The following ADARB2 variants were observed in gnomAD, a reference collection of about 807,000 sequenced individuals.
ADARB2 encodes the protein adenosine deaminase RNA specific B2 (inactive).
In ADARB2, 25 loss-of-function variants were observed where a neutral mutation model predicts 62.2. The ratio of observed to expected loss-of-function variants is 0.40; its 90% confidence interval spans 0.29 to 0.56. The LOEUF (loss-of-function observed/expected upper bound fraction) is 0.56, where lower values mean the gene tolerates loss of function less well. Ranked by LOEUF, ADARB2 falls within the 20% of genes least tolerant of loss-of-function variation. The pLI, the probability that ADARB2 is intolerant of heterozygous loss-of-function variation, is 0.43. For missense variants in ADARB2, 1,071 were observed against 1,077.4 expected (o/e 0.99, Z 0.08); for synonymous variants, 572 against 500.8 (o/e 1.14, Z -1.90).
At chr10:1,736,815 C>T (rs1835308042) in intron 1 of ADARB2, among the ~76,000 whole-genome samples, 1 of 152,202 alleles carries the variant, frequency 6.6e-6, no homozygotes, top group Non-Finnish European at 1.5e-5. Flanking sequence ...CCCACTTCGT[C>T]CGGGTCCCTC....
At chr10:1,698,664 T>C (rs1177088928) in intron 1 of ADARB2, among the ~76,000 whole-genome samples, 1 of 152,054 alleles carries the variant, frequency 6.6e-6, no homozygotes, top group Non-Finnish European at 1.5e-5. Flanking sequence ...TGTAAAAGGG[T>C]AGTTAAAGGT....
intron 1 of ADARB2, among the ~76,000 whole-genome samples, chr10:1,732,290 G>A (rs1464100675): frequency 6.9e-6 from 1 of 145,058 alleles, no homozygotes; most frequent in Non-Finnish European, 1.5e-5. Context: ...ATGCTTTTAG[G>A]GCATAAGTTA....
intron 1 of ADARB2, among the ~76,000 whole-genome samples, chr10:1,461,557 T>C (rs1015808001): frequency 2.6e-5 from 4 of 152,166 alleles, no homozygotes; most frequent in African/African-American, 9.7e-5. Flanking sequence ...AAAAAGCACA[T>C]TTTCCAGAGG....
chr10:1,544,371 G>C (rs372637613), intron 1 of ADARB2, among the ~76,000 whole-genome samples: 1 of 152,172 alleles, frequency 6.6e-6, no homozygotes, highest in African/African-American at 2.4e-5. Context: ...CACCTTCGGG[G>C]GCTCTGATGA....
chr10:1,501,152 C>T (rs910452158), intron 1 of ADARB2, among the ~76,000 whole-genome samples: 6 of 152,168 alleles, frequency 3.9e-5, no homozygotes, highest in African/African-American at 1.4e-4. Context: ...GGATTATAGG[C>T]GTGAGTCACC....
chr10:1,405,036 G>A lies in ADARB2; in HGVS notation c.101-25876C>T, dbSNP rs1044581242. ...CGGCGCCTGCGTGGAGGATCGTTGC[G>A]TCTTCAGAAACTGCTCCCAGCTCCG... is the stretch of plus-strand genomic sequence containing the variant. On this transcript the variant is annotated intron_variant, in intron 1 of 9. Coordinates refer to ENST00000381312, the MANE Select transcript of ADARB2 (RefSeq NM_018702.4). Among the ~76,000 whole-genome samples, 5 of 152,174 alleles carry A rather than the reference G, an allele frequency of 3.3e-5. No homozygotes were observed. In the East Asian group the frequency reaches 9.6e-4, roughly 29 times the overall value.
chr10:1,449,703 G>A (rs1831014365), intron 1 of ADARB2, among the ~76,000 whole-genome samples: 1 of 152,222 alleles, frequency 6.6e-6, no homozygotes, highest in South Asian at 2.1e-4. Context: ...CGGGGACACA[G>A]TGAGGCTCAT....
intron 1 of ADARB2, among the ~76,000 whole-genome samples, chr10:1,423,471 T>C (rs1201657556): frequency 6.6e-6 from 1 of 152,002 alleles, no homozygotes; most frequent in Non-Finnish European, 1.5e-5. Flanking sequence ...TGCGTGTTCA[T>C]GGTGCTAGGG....
At chr10:1,608,415 C>T (rs1833521112) in intron 1 of ADARB2, among the ~76,000 whole-genome samples, 1 of 151,470 alleles carries the variant, frequency 6.6e-6, no homozygotes, top group African/African-American at 2.4e-5. Context: ...AACTCTACCA[C>T]TCTATCTTCG....
At position 1,648,294 on chromosome 10, in the gene ADARB2, C is replaced by A. The variant is rs576298885; in HGVS notation, c.100+88757G>T. On this transcript the variant is annotated intron_variant, in intron 1 of 9. Transcript: ENST00000381312. ...CTTCAAAGCAGGATTTATCTCGAAC[C>A]CTTTCACACACAACCAGGCACAAAG... is the stretch of plus-strand genomic sequence containing the variant. 9.3e-4 allele frequency among the ~76,000 whole-genome samples: 142 copies of A among 152,180 alleles called. 1 individual carries two copies. The highest frequency in any genetic ancestry group is 2.0e-3 in the Non-Finnish European group (134 of 68,016).
intron 5 of ADARB2, chr10:1,240,255 C>T (rs1221019880): frequency 7.4e-4 from 67 of 90,602 alleles, no homozygotes; most frequent in South Asian, 1.3e-3. Flanking sequence ...CTCCCCTCTG[C>T]CTCCCGGTGT....
intron 4 of ADARB2, among the ~76,000 whole-genome samples, chr10:1,258,934 A>G (rs1227526749): frequency 2.6e-5 from 4 of 152,340 alleles, no homozygotes; most frequent in Middle Eastern, 3.4e-3. Context: ...AAGAACAGAA[A>G]TTATAACAAA....
At chr10:1,412,261 C>T (rs558924693) in intron 1 of ADARB2, among the ~76,000 whole-genome samples, 3 of 152,232 alleles carry the variant, frequency 2.0e-5, no homozygotes, top group Admixed American at 6.5e-5. Context: ...AGGAAACCCT[C>T]GGGTCTTTAA....
rs559568258 is a variant in ADARB2, at chr10:1,644,679, G to T, written c.100+92372C>A. 3.2e-4 allele frequency among the ~76,000 whole-genome samples: 49 copies of T among 152,370 alleles called. 1 individual carries two copies. The South Asian group carries it at 0.01, about 32-fold the overall frequency. On this transcript the variant is annotated intron_variant, in intron 1 of 9. Coordinates refer to ENST00000381312, the MANE Select transcript of ADARB2 (RefSeq NM_018702.4). ...GGAGCACAAGCAATTTTTCTTGTCT[G>T]TACAAGAAAGGCTCCATGGAGTCTC...
At chr10:1,183,514 G>C in intron 9 of ADARB2, 145 bp from the exon 10 acceptor site, 2 of 1,022,974 alleles carry the variant, frequency 2.0e-6, no homozygotes, top group Non-Finnish European at 2.8e-6. Context: ...ACTGTGACCA[G>C]GTCCTCTGGC....
intron 1 of ADARB2, among the ~76,000 whole-genome samples, chr10:1,595,709 C>G (rs1321937327): frequency 6.6e-6 from 1 of 152,200 alleles, no homozygotes; most frequent in African/African-American, 2.4e-5. Context: ...CCTGTCTTCA[C>G]AATTTCTACA....
rs544961873 is a variant in ADARB2, at chr10:1,416,209, A to G, written c.101-37049T>C. Among the ~76,000 whole-genome samples, 4 of 152,384 alleles carry G rather than the reference A, an allele frequency of 2.6e-5. No individual in the cohort carries two copies. The East Asian group carries it at 7.7e-4, about 29-fold the overall frequency. ...TTCATATTCATAAACACTTATTCAC[A>G]CACACACAGATATGTACACACATGT... On this transcript the variant is annotated intron_variant, in intron 1 of 9. Transcript: ENST00000381312.
intron 2 of ADARB2, among the ~76,000 whole-genome samples, chr10:1,368,152 G>T (rs1223989447): frequency 6.8e-6 from 1 of 146,686 alleles, no homozygotes; most frequent in African/African-American, 2.4e-5. Flanking sequence ...GGGGCGCAGG[G>T]GACACTCGGG....
At chr10:1,502,212 G>C (rs1232438106) in intron 1 of ADARB2, among the ~76,000 whole-genome samples, 1 of 152,240 alleles carries the variant, frequency 6.6e-6, no homozygotes, top group Non-Finnish European at 1.5e-5. Context: ...GGCCCCTCCT[G>C]CACCTGCTGC....
Sources: gnomAD v4.1 joint callset for allele counts (sites outside exome capture counted in the v4.1 genomes callset) on GRCh38, gnomAD v4.1.1 for gene constraint, MANE v1.5 for transcripts, NCBI Gene and HGNC (gene_info 2026-07-23, HGNC 2026-07-21) for gene names.